Variants in BRD3 observed in about 807,000 individuals in gnomAD.
BRD3 encodes bromodomain-containing protein 3.
Under a neutral mutation model 66.8 loss-of-function variants are expected in BRD3, and 17 were observed. That is an observed-to-expected ratio of 0.25 (90% CI 0.17 to 0.38). The LOEUF (loss-of-function observed/expected upper bound fraction) is 0.38, where lower values mean the gene tolerates loss of function less well. Ranked by LOEUF, BRD3 falls within the 10% of genes least tolerant of loss-of-function variation. BRD3 has a pLI of 1.00. For synonymous variants in BRD3, 421 were observed against 393.2 expected (o/e 1.07, Z -0.84); for missense variants, 713 against 956.1 (o/e 0.75, Z 3.35).
In BRD3 at chr9:134,033,621, C is replaced by T. The variant is rs1422280553; in HGVS notation, c.2150G>A (p.Gly717Glu). The T allele has an allele frequency of 1.3e-6, 1 of 771,132 alleles. No individual in the cohort carries two copies. Among genetic ancestry groups the T allele is most frequent in the East Asian group, 2.4e-5 (1 of 41,030 alleles). The allele number at this position is 771,132 out of a possible 1,614,324, so 47.8% of individuals were successfully genotyped here. The change falls in exon 12 of 12, where the codon GGG (glycine) becomes GAG (glutamate). Residue 717 changes from glycine to glutamate, a missense_variant. By Grantham distance (98) the Gly-to-Glu change is moderately conservative. Around this residue, in one of 5 missense-constraint regions of BRD3, gnomAD observed 42 missense variants for 29.2 expected, o/e 1.44. Transcript: ENST00000303407. The surrounding 1 kb of genome is among the most constrained non-coding windows in gnomAD (Gnocchi z 5.1). The part of the protein sequence containing the change: ...SSESGSSSSS[G>E]SSSDSSDSE ...TGAGTCACTGCTGTCAGAGCTGGAC[C>T]CGCTGGAGCTGCTGCTCCCAGACTC...
In BRD3 at chr9:134,032,459, A is replaced by C. The variant is rs1373802359; in HGVS notation, c.*1131T>G. 17 of 219,952 alleles carry C rather than the reference A, an allele frequency of 7.7e-5. No individual in the cohort carries two copies. In the East Asian group the frequency reaches 1.0e-3, roughly 13 times the overall value. The allele number at this position is 219,952 out of a possible 1,614,324, so 13.6% of individuals were successfully genotyped here. On this transcript the variant is annotated 3_prime_UTR_variant, in exon 12 of 12. Transcript: ENST00000303407. ...TCATACAAAAAAAAAAAAAAAAAAA[A>C]ACCACAAAGAAAAAAACCAAAAAAC...
At chr9:134,063,254 C>T (rs1588304154) in intron 1 of BRD3, among the ~76,000 whole-genome samples, 2 of 152,310 alleles carry the variant, frequency 1.3e-5, no homozygotes, top group East Asian at 1.9e-4. Context: ...AAGAGCAAAG[C>T]GTGGGCATGC....
chr9:134,060,141 C>A (rs934451629), intron 1 of BRD3, among the ~76,000 whole-genome samples: 4 of 152,210 alleles, frequency 2.6e-5, no homozygotes, highest in African/African-American at 9.6e-5. Flanking sequence ...GAGACAGAGG[C>A]AGAGGCCACC....
intron 9 of BRD3, among the ~76,000 whole-genome samples, chr9:134,037,099 A>C (rs759249568): frequency 6.6e-6 from 1 of 152,234 alleles, no homozygotes; most frequent in Non-Finnish European, 1.5e-5. Context: ...AAAAACAAGA[A>C]GACCCCACTT....
chr9:134,036,382 C>T, intron 9 of BRD3, 58 bp from the exon 10 acceptor site: 1 of 1,571,212 alleles, frequency 6.4e-7, no homozygotes. Context: ...CCGTGGGAGC[C>T]CACTGCACAC....
chr9:134,037,376 A>G (rs1829947423), intron 9 of BRD3, among the ~76,000 whole-genome samples: 1 of 152,180 alleles, frequency 6.6e-6, no homozygotes, highest in African/African-American at 2.4e-5. Context: ...GTTCAAGACT[A>G]GCCTGGCCAA....
At position 134,055,935 on chromosome 9, in the gene BRD3, C is replaced by T. The variant is rs71505269; in HGVS notation, c.-113-2345G>A. 1,275 of 152,596 alleles carry T rather than the reference C, an allele frequency of 8.4e-3. 12 individuals are homozygous for T. The highest frequency in any genetic ancestry group is 0.017 in the African/African-American group (719 of 41,582). The allele number at this position is 152,596 out of a possible 1,614,324, so 9.5% of individuals were successfully genotyped here. On this transcript the variant is annotated intron_variant, in intron 1 of 11. Transcript: ENST00000303407. The stretch of plus-strand genomic sequence containing the variant: ...GGCCAGATCAGGCCCTCTAAGCCAC[C>T]CACTTCCAACCACCTGACCACTGTT...
Position 134,031,614 on chromosome 9 carries a change from C to G in BRD3, c.*1976G>C, listed in dbSNP as rs1475930443. On this transcript the variant is annotated 3_prime_UTR_variant, in exon 12 of 12. Coordinates refer to ENST00000303407, the MANE Select transcript of BRD3 (RefSeq NM_007371.4). The stretch of plus-strand genomic sequence containing the variant: ...GAAAACTCACCAAGTGTCAGACTCA[C>G]CAGCAATTTAAAAAATGATAATTTA... 9.4e-6 allele frequency: 2 copies of G among 212,556 alleles called. No individual in the cohort carries two copies. Among genetic ancestry groups the G allele is most frequent in the Middle Eastern group, 1.5e-3 (1 of 654 alleles). 13.2% of individuals were successfully genotyped at this position (212,556 alleles called of 1,614,324 possible). A position where few individuals can be genotyped will look rare whatever the true frequency, so the allele number is the denominator to read the frequency against.
chr9:134,038,376 G>A (rs972763184), intron 9 of BRD3, among the ~76,000 whole-genome samples: 3 of 152,116 alleles, frequency 2.0e-5, no homozygotes, highest in Non-Finnish European at 2.9e-5. Context: ...AAATTTCTGG[G>A]ATTACAGGTG....
At position 134,032,854 on chromosome 9, in the gene BRD3, TTA is replaced by T. The variant is rs370896021; in HGVS notation, c.*734_*735del. On this transcript the variant is annotated 3_prime_UTR_variant, in exon 12 of 12. Transcript: ENST00000303407. Reference sequence around the variant, plus strand: ...AAAAAAGTCTCCTTTTTTTTTTTTTTTAAATCTTTTCTTCTTTTTTTTTTTTT... The same window carrying T: ...AAAAAAGTCTCCTTTTTTTTTTTTTTAATCTTTTCTTCTTTTTTTTTTTTT... The T allele has an allele frequency of 0.28, 69,222 of 245,176 alleles. 8,691 individuals are homozygous for T. Among genetic ancestry groups the T allele is most frequent in the South Asian group, 0.46 (2,567 of 5,524 alleles). The allele number at this position is 245,176 out of a possible 1,614,324, so 15.2% of individuals were successfully genotyped here.
At chr9:134,063,818 A>T (rs1830592217) in intron 1 of BRD3, among the ~76,000 whole-genome samples, 1 of 152,194 alleles carries the variant, frequency 6.6e-6, no homozygotes, top group African/African-American at 2.4e-5. Context: ...GCAGCTGGTT[A>T]TCAAGCCACA....
In BRD3 at chr9:134,030,542, A is replaced by G. The variant is rs891783750; in HGVS notation, c.*3048T>C. The G allele has an allele frequency of 4.7e-6, 1 of 213,262 alleles. No homozygotes were observed. Among genetic ancestry groups the G allele is most frequent in the African/African-American group, 2.3e-5 (1 of 44,194 alleles). 13.2% of individuals were successfully genotyped at this position (213,262 alleles called of 1,614,324 possible). A position where few individuals can be genotyped will look rare whatever the true frequency, so the allele number is the denominator to read the frequency against. ...AAAAGTTTAAGAAAAGTTACGGTAA[A>G]CTTGCATGCACATCATACAGAAAAG... is the stretch of plus-strand genomic sequence containing the variant. On this transcript the variant is annotated 3_prime_UTR_variant, in exon 12 of 12. Coordinates refer to ENST00000303407, the MANE Select transcript of BRD3 (RefSeq NM_007371.4).
chr9:134,034,798 C>T lies in BRD3; in HGVS notation c.1968G>A (p.Ser656=), dbSNP rs766556368. The change falls in exon 11 of 12, where the codon TCG becomes TCA. Residue 656 remains serine, a synonymous_variant. Transcript: ENST00000303407. ...SASGKKQAAK[S]KEELAQEKKK... ...TCTTTTCCTGAGCTAGCTCCTCTTT[C>T]GACTTGGCTGCCTGTTTCTTCCCGC... The T allele has an allele frequency of 1.2e-5, 20 of 1,612,258 alleles. No homozygotes were observed. The East Asian group carries it at 1.6e-4, about 13-fold the overall frequency.
At chr9:134,065,054 A>G (rs1830620276) in intron 1 of BRD3, among the ~76,000 whole-genome samples, 1 of 152,258 alleles carries the variant, frequency 6.6e-6, no homozygotes, top group Non-Finnish European at 1.5e-5. Context: ...AAAACCTTTT[A>G]CGGCAAGAAG....
At chr9:134,060,387 G>A (rs1252405229) in intron 1 of BRD3, among the ~76,000 whole-genome samples, 2 of 152,156 alleles carry the variant, frequency 1.3e-5, no homozygotes, top group Non-Finnish European at 2.9e-5. Flanking sequence ...GAAACCAGGA[G>A]TTCGAGACCA....
chr9:134,051,848 T>C (rs1830303996), intron 3 of BRD3, 139 bp from the exon 4 acceptor site: 5 of 399,068 alleles, frequency 1.3e-5, no homozygotes, highest in Admixed American at 1.2e-4. Flanking sequence ...AATGAATATA[T>C]GTGTGTGTGT....
At position 134,053,542 on chromosome 9, in the gene BRD3, C is replaced by T. The variant is rs1024149349; in HGVS notation, c.-65G>A. 2.2e-5 allele frequency: 33 copies of T among 1,472,542 alleles called. No homozygotes were observed. The highest frequency in any genetic ancestry group is 4.9e-4 in the Middle Eastern group (2 of 4,064). The allele number at this position is 1,472,542 out of a possible 1,614,324, so 91.2% of individuals were successfully genotyped here. A position where few individuals can be genotyped will look rare whatever the true frequency, so the allele number is the denominator to read the frequency against. ...TGGAGAGGCCCTGGCTGCTTCTACG[C>T]TCCCTGAGAAAGCGCGACGTCCCAT... On this transcript the variant is annotated 5_prime_UTR_variant, in exon 2 of 12. Coordinates refer to ENST00000303407, the MANE Select transcript of BRD3 (RefSeq NM_007371.4).
At chr9:134,062,596 T>C (rs1830567979) in intron 1 of BRD3, among the ~76,000 whole-genome samples, 1 of 151,838 alleles carries the variant, frequency 6.6e-6, no homozygotes, top group African/African-American at 2.4e-5. Context: ...CGTCACCTCT[T>C]CCAAGCTCCG....
intron 11 of BRD3, among the ~76,000 whole-genome samples, chr9:134,034,221 T>C (rs180902049): frequency 6.0e-4 from 91 of 152,308 alleles, no homozygotes; most frequent in Middle Eastern, 3.4e-3. Context: ...AGATGTGTGC[T>C]CTAACAGGGT....
Sources: gnomAD v4.1 joint callset for allele counts (sites outside exome capture counted in the v4.1 genomes callset) on GRCh38, gnomAD v4.1.1 for gene constraint, gnomAD v4.1.1 regional missense constraint, Gnocchi (gnomAD v3.1) non-coding constraint, MANE v1.5 for transcripts, NCBI Gene and HGNC (gene_info 2026-07-23, HGNC 2026-07-21) for gene names.